Variants in VPS13C observed in about 807,000 individuals in gnomAD.
VPS13C encodes intermembrane lipid transfer protein VPS13C.
VPS13C carries 358 observed loss-of-function variants against 456.8 expected under a neutral mutation model. That is an observed-to-expected ratio of 0.78 (90% CI 0.72 to 0.86). The LOEUF (loss-of-function observed/expected upper bound fraction) is 0.86. Among genes scored for constraint, VPS13C ranks in the 40% least tolerant of loss-of-function variants. VPS13C has a pLI of 0.00. For missense variants in VPS13C, 4,818 were observed against 4,385.4 expected (o/e 1.10, Z -2.79); for synonymous variants, 1,578 against 1,486.7 (o/e 1.06, Z -1.41).
At chr15:62,009,053 C>T (rs1028084173) in intron 13 of VPS13C, among the ~76,000 whole-genome samples, 35 of 152,184 alleles carry the variant, frequency 2.3e-4, no homozygotes, top group African/African-American at 8.4e-4. Flanking sequence ...TATACACATC[C>T]TATTTTCAAA....
intron 44 of VPS13C, 74 bp downstream of exon 44, chr15:61,946,233 G>T: frequency 1.8e-6 from 2 of 1,141,066 alleles, no homozygotes; most frequent in Non-Finnish European, 2.5e-6. Context: ...AATGTATACT[G>T]TGCAAATAAA....
At chr15:61,898,537 C>T (rs1238731802) in intron 66 of VPS13C, among the ~76,000 whole-genome samples, 1 of 152,152 alleles carries the variant, frequency 6.6e-6, no homozygotes, top group Non-Finnish European at 1.5e-5. Context: ...GGGATCAATT[C>T]AACAAGAAGA....
intron 6 of VPS13C, among the ~76,000 whole-genome samples, chr15:62,026,201 C>T (rs997424124): frequency 6.6e-6 from 1 of 151,494 alleles, no homozygotes; most frequent in Non-Finnish European, 1.5e-5. Context: ...AAGGTAGCTG[C>T]ATCATGGAAT....
intron 66 of VPS13C, among the ~76,000 whole-genome samples, chr15:61,896,494 G>A (rs888182007): frequency 3.3e-5 from 5 of 152,146 alleles, no homozygotes; most frequent in African/African-American, 7.2e-5. Context: ...GGTGACGGAC[G>A]GGACCTGGAA....
intron 16 of VPS13C, among the ~76,000 whole-genome samples, chr15:61,999,494 T>G (rs2046521923): frequency 6.6e-6 from 1 of 152,182 alleles, no homozygotes; most frequent in African/African-American, 2.4e-5. Context: ...GTATATGCCT[T>G]AATCTCATTT....
chr15:61,948,779 C>T (rs1018772096), intron 42 of VPS13C, among the ~76,000 whole-genome samples: 7 of 151,816 alleles, frequency 4.6e-5, no homozygotes, highest in Non-Finnish European at 1.0e-4. Context: ...AACTCAAACT[C>T]GTAACGATCT....
At chr15:62,045,458 A>G (rs1272820769) in intron 1 of VPS13C, among the ~76,000 whole-genome samples, 1 of 152,114 alleles carries the variant, frequency 6.6e-6, no homozygotes, top group Non-Finnish European at 1.5e-5. Flanking sequence ...GGTGGATAAG[A>G]AAAGAGGGCA....
chr15:61,900,166 G>A lies in VPS13C; in HGVS notation c.9105+7098C>T, dbSNP rs974788808. Among the ~76,000 whole-genome samples the A allele has an allele frequency of 8.3e-4, 127 of 152,142 alleles. 1 individual carries two copies. Among genetic ancestry groups the A allele is most frequent in the African/African-American group, 3.0e-3 (125 of 41,504 alleles). On this transcript the variant is annotated intron_variant, in intron 66 of 84. Coordinates refer to ENST00000644861, the MANE Select transcript of VPS13C (RefSeq NM_020821.3). ...CCCACAGCCAATATCATACTGAATG[G>A]GCAAAAACTGGAAGCATTCCCTTTG... is the stretch of plus-strand genomic sequence containing the variant.
chr15:61,921,819 C>A, intron 55 of VPS13C, 128 bp downstream of exon 55: 1 of 811,378 alleles, frequency 1.2e-6, no homozygotes, highest in Admixed American at 2.5e-5. Context: ...AGAGTTCTGA[C>A]CTCATGGACA....
At chr15:62,027,862 G>C (rs2047688471) in intron 6 of VPS13C, among the ~76,000 whole-genome samples, 1 of 152,034 alleles carries the variant, frequency 6.6e-6, no homozygotes, top group Non-Finnish European at 1.5e-5. Flanking sequence ...CAGGACAGTA[G>C]TCTAGAGGCA....
chr15:62,007,997 T>C (rs1298304511), intron 14 of VPS13C, among the ~76,000 whole-genome samples: 1 of 152,006 alleles, frequency 6.6e-6, no homozygotes, highest in African/African-American at 2.4e-5. Context: ...TCCCAGCACT[T>C]TGGGAGGCCG....
chr15:61,983,063 C>T (rs2045934621), intron 20 of VPS13C, among the ~76,000 whole-genome samples: 1 of 152,280 alleles, frequency 6.6e-6, no homozygotes, highest in African/African-American at 2.4e-5. Flanking sequence ...CTTAACACTA[C>T]TGAACTATAA....
chr15:61,920,127 T>A lies in VPS13C; in HGVS notation c.7417A>T (p.Ser2473Cys), dbSNP rs558763279. The change falls in exon 57 of 85, where the codon AGT becomes TGT. Residue 2473 changes from serine (S) to cysteine (C), a missense_variant. Physicochemically the swap from Ser to Cys is moderately radical, Grantham distance 112. This residue lies in a region of VPS13C where 4,552 missense variants were observed against 4,130.6 expected (regional missense o/e 1.10). Transcript: ENST00000644861. ...ELEYASMVPS[S>C]QGNLSILSRQ... ...CTCAATATAGATAGGTTCCCTTGACTTGAAGGTACCATGCTGGCATACTCC... is the reference window on the plus strand; with the variant it reads ...CTCAATATAGATAGGTTCCCTTGACATGAAGGTACCATGCTGGCATACTCC... The A allele has an allele frequency of 5.0e-6, 8 of 1,613,478 alleles. No homozygotes were observed. The African/African-American group carries it at 1.1e-4, about 22-fold the overall frequency.
At chr15:61,885,934 T>C (rs895738905) in intron 67 of VPS13C, among the ~76,000 whole-genome samples, 2 of 152,134 alleles carry the variant, frequency 1.3e-5, no homozygotes, top group Admixed American at 6.5e-5. Flanking sequence ...GTAACATCTG[T>C]TGACTCATCA....
In VPS13C at chr15:61,949,842, G is replaced by C. The variant is rs192430434; in HGVS notation, c.4597-237C>G. Among the ~76,000 whole-genome samples, 390 of 152,260 alleles carry C rather than the reference G, an allele frequency of 2.6e-3. 1 individual carries two copies. Among genetic ancestry groups the C allele is most frequent in the African/African-American group, 8.7e-3 (360 of 41,540 alleles). ...ATTTTAACTCAAAAGAACTGGATGA[G>C]TTTTAAGTAAAGATACAGGAAATAT... On this transcript the variant is annotated intron_variant, in intron 41 of 84. Transcript: ENST00000644861.
rs745991230 is a variant in VPS13C, at chr15:61,929,510, T to A, written c.6277A>T (p.Ile2093Leu). Residue 2093 changes from isoleucine to leucine, a missense_variant, in exon 51 of 85, where the codon ATA becomes TTA. Physicochemically the swap from Ile to Leu is conservative, Grantham distance 5 (BLOSUM62 2). Coordinates refer to ENST00000644861, the MANE Select transcript of VPS13C (RefSeq NM_020821.3). ...GATAAATTCTGCTAACCTTTCTCTA[T>A]CTTGACCTTCCCTGTGGCAGTCTGT... ...PRQTATGKVK[I>L]EKDDSVRPNM... is the part of the protein sequence containing the mutation. The A allele has an allele frequency of 1.2e-6, 2 of 1,614,062 alleles. No individual in the cohort carries two copies. Among genetic ancestry groups the A allele is most frequent in the East Asian group, 4.5e-5 (2 of 44,862 alleles).
intron 47 of VPS13C, among the ~76,000 whole-genome samples, chr15:61,938,417 T>C (rs978811037): frequency 1.3e-5 from 2 of 152,086 alleles, no homozygotes; most frequent in Non-Finnish European, 2.9e-5. Context: ...GGAAACAACT[T>C]GCCAGTGTCA....
intron 31 of VPS13C, 118 bp from the exon 32 acceptor site, chr15:61,964,069 C>G: frequency 1.8e-6 from 1 of 563,982 alleles, no homozygotes; most frequent in South Asian, 3.5e-5. Context: ...ATAACATTCT[C>G]CAACTCTTAA....
chr15:61,918,489 T>C (rs1256773345), intron 58 of VPS13C, among the ~76,000 whole-genome samples: 1 of 152,024 alleles, frequency 6.6e-6, no homozygotes, highest in Non-Finnish European at 1.5e-5. Context: ...ATTATAAGCT[T>C]ATGTTTAGTA....
Sources: gnomAD v4.1 joint callset for allele counts (sites outside exome capture counted in the v4.1 genomes callset) on GRCh38, gnomAD v4.1.1 for gene constraint, gnomAD v4.1.1 regional missense constraint, MANE v1.5 for transcripts, NCBI Gene and HGNC (gene_info 2026-07-23, HGNC 2026-07-21) for gene names.